Variants in TPST2 observed in about 807,000 individuals in gnomAD.
TPST2 encodes the protein tyrosylprotein sulfotransferase 2, also known as protein-tyrosine sulfotransferase 2.
A neutral mutation model predicts 27.8 loss-of-function variants in TPST2; 16 were observed. That is an observed-to-expected ratio of 0.58 (90% confidence interval 0.39 to 0.88). TPST2 has a LOEUF of 0.88. Among genes scored for constraint, TPST2 ranks in the 40% least tolerant of loss-of-function variants. The probability of loss-of-function intolerance (pLI) is 0.00; values close to 1 mark genes in which losing one functional copy is unlikely to be tolerated. For missense variants in TPST2, 464 were observed against 543.1 expected (o/e 0.85, Z 1.45); for synonymous variants, 229 against 231.7 (o/e 0.99, Z 0.10).
At chr22:26,535,079 G>A (rs1925376544) in intron 4 of TPST2, among the ~76,000 whole-genome samples, 1 of 152,204 alleles carries the variant, frequency 6.6e-6, no homozygotes, top group Non-Finnish European at 1.5e-5. Flanking sequence ...CTCAGCGTTA[G>A]TAAATTCTCT....
chr22:26,554,091 AG>A (rs1350613066), intron 1 of TPST2, among the ~76,000 whole-genome samples: 2 of 152,204 alleles, frequency 1.3e-5, no homozygotes, highest in African/African-American at 4.8e-5. Flanking sequence ...ACTGAGGCTT[AG>A]AGAGGTGAAG....
intron 4 of TPST2, chr22:26,535,911 C>A (rs750099596): frequency 2.7e-6 from 1 of 364,756 alleles, no homozygotes; most frequent in Non-Finnish European, 5.4e-6. Flanking sequence ...AAGAAAGGGA[C>A]CAATAGTTTA....
intron 1 of TPST2, among the ~76,000 whole-genome samples, chr22:26,582,878 A>G (rs1469877799): frequency 2.0e-5 from 3 of 151,938 alleles, no homozygotes; most frequent in African/African-American, 7.3e-5. Context: ...CAAATATCTC[A>G]CTGTGGGGAA....
At chr22:26,579,286 C>G (rs764126927) in intron 1 of TPST2, among the ~76,000 whole-genome samples, 32 of 152,366 alleles carry the variant, frequency 2.1e-4, no homozygotes, top group Middle Eastern at 3.4e-3. Context: ...AAGGCACCTA[C>G]TGCATGCAGC....
At chr22:26,588,165 A>T (rs973806094) in intron 1 of TPST2, among the ~76,000 whole-genome samples, 9 of 150,788 alleles carry the variant, frequency 6.0e-5, no homozygotes, top group African/African-American at 2.2e-4. Context: ...CACATAATAG[A>T]ATATTATGCA....
intron 1 of TPST2, chr22:26,561,137 T>G (rs1488679336): frequency 9.3e-6 from 15 of 1,605,020 alleles, no homozygotes; most frequent in Non-Finnish European, 1.3e-5. Flanking sequence ...ATGAAGAAGA[T>G]GAAGATGAAG....
At chr22:26,554,264 G>T (rs140934121) in intron 1 of TPST2, among the ~76,000 whole-genome samples, 60 of 152,304 alleles carry the variant, frequency 3.9e-4, no homozygotes, top group Non-Finnish European at 7.4e-4. Flanking sequence ...CAGCTGCTCA[G>T]AGTAGTGCCC....
chr22:26,541,418 G>A lies in TPST2; in HGVS notation c.213C>T (p.Ile71=), dbSNP rs763309167. The part of the protein sequence containing the change: ...EYRYGKAMPL[I]FVGGVPRSGT... ...CACTGCGAGGCACGCCACCCACGAA[G>A]ATGAGCGGCATGGCCTTGCCATAGC... The change falls in exon 3 of 7, where the codon ATC becomes ATT. Residue 71 remains isoleucine, a synonymous_variant. Coordinates refer to ENST00000338754, the MANE Select transcript of TPST2 (RefSeq NM_003595.5). This position sits in a 1 kb window ranked among gnomAD's most constrained non-coding sequence, Gnocchi z 5.9. The A allele has an allele frequency of 1.3e-6, 2 of 1,573,202 alleles. No homozygotes were observed. Among genetic ancestry groups the A allele is most frequent in the Admixed American group, 1.8e-5 (1 of 54,640 alleles).
Position 26,525,698 on chromosome 22 carries a change from A to C in TPST2, c.*577T>G, listed in dbSNP as rs1487592122. The C allele has an allele frequency of 6.6e-6, 1 of 152,364 alleles. No homozygotes were observed. Among genetic ancestry groups the C allele is most frequent in the Non-Finnish European group, 1.5e-5 (1 of 68,028 alleles). The allele number at this position is 152,364 out of a possible 1,614,324, so 9.4% of individuals were successfully genotyped here. A position where few individuals can be genotyped will look rare whatever the true frequency, so the allele number is the denominator to read the frequency against. On this transcript the variant is annotated 3_prime_UTR_variant, in exon 7 of 7. Transcript: ENST00000338754. Reference sequence around the variant, plus strand: ...TATTCTCCAGCTTTTTGCTCATCACAAATCTACCTGACAAAATCCAGTATG... The same window carrying C: ...TATTCTCCAGCTTTTTGCTCATCACCAATCTACCTGACAAAATCCAGTATG...
Position 26,541,457 on chromosome 22 carries a change from G to A in TPST2, c.174C>T (p.Asn58=). The change falls in exon 3 of 7, where the codon AAC becomes AAT. Residue 58 remains asparagine, a synonymous_variant. Coordinates refer to ENST00000338754, the MANE Select transcript of TPST2 (RefSeq NM_003595.5). The surrounding 1 kb of genome is among the most constrained non-coding windows in gnomAD (Gnocchi z 5.9). ...EQEELVMVGT[N]HVEYRYGKAM... The stretch of plus-strand genomic sequence containing the variant: ...CCTTGCCATAGCGGTATTCCACGTG[G>A]TTGGTGCCCACCATCACCAGCTCCT... 6.2e-7 allele frequency: 1 copy of A among 1,608,162 alleles called. No homozygotes were observed. The highest frequency in any genetic ancestry group is 1.1e-5 in the South Asian group (1 of 90,280).
intron 1 of TPST2, among the ~76,000 whole-genome samples, chr22:26,589,590 C>G (rs1031598062): frequency 1.3e-5 from 2 of 152,238 alleles, no homozygotes; most frequent in Non-Finnish European, 2.9e-5. Context: ...GCCCCCAACG[C>G]CTCCACTTCT....
chr22:26,573,516 C>T (rs1316888454), intron 1 of TPST2, among the ~76,000 whole-genome samples: 1 of 152,220 alleles, frequency 6.6e-6, no homozygotes, highest in Non-Finnish European at 1.5e-5. Flanking sequence ...TCCCTCTTCC[C>T]CTGGCCCCAG....
chr22:26,572,292 C>T (rs1030006421), intron 1 of TPST2, among the ~76,000 whole-genome samples: 4 of 152,110 alleles, frequency 2.6e-5, no homozygotes, highest in Non-Finnish European at 5.9e-5. Flanking sequence ...GGAGGCTAAG[C>T]AAGTAGGGTA....
chr22:26,569,396 T>G (rs3885529), intron 1 of TPST2, among the ~76,000 whole-genome samples: 15,522 of 152,264 alleles, frequency 0.1, 980 homozygotes, highest in Non-Finnish European at 0.15. Context: ...CAGGTGCTGG[T>G]CACACAGACA....
intron 1 of TPST2, among the ~76,000 whole-genome samples, chr22:26,561,515 A>C (rs956541711): frequency 7.2e-5 from 11 of 152,146 alleles, no homozygotes; most frequent in Middle Eastern, 3.2e-3. Context: ...CGAAATAATT[A>C]TTCTGTTAAC....
intron 4 of TPST2, 110 bp from the exon 5 acceptor site, chr22:26,532,855 C>G: frequency 1.1e-6 from 1 of 918,570 alleles, no homozygotes; most frequent in South Asian, 1.5e-5. Flanking sequence ...ACCCACCCAT[C>G]CCTCCATCCA....
chr22:26,576,863 G>A (rs4820689), intron 1 of TPST2, among the ~76,000 whole-genome samples: 41,640 of 151,372 alleles, frequency 0.28, 6,291 homozygotes, highest in East Asian at 0.52. Context: ...TTGGGAGGCC[G>A]AGGCGGGTGG....
At chr22:26,567,145 G>A (rs1307506275) in intron 1 of TPST2, among the ~76,000 whole-genome samples, 2 of 152,154 alleles carry the variant, frequency 1.3e-5, no homozygotes, top group African/African-American at 2.4e-5. Flanking sequence ...CATCTCCCAG[G>A]TACCTGTCCA....
chr22:26,572,567 T>C (rs1031135585), intron 1 of TPST2, among the ~76,000 whole-genome samples: 28 of 152,162 alleles, frequency 1.8e-4, no homozygotes, highest in Admixed American at 5.2e-4. Flanking sequence ...CCACCTTATC[T>C]TGGGCTGCTT....
Sources: allele counts gnomAD v4.1 joint callset (sites outside exome capture counted in the v4.1 genomes callset), GRCh38; gene constraint gnomAD v4.1.1; non-coding constraint Gnocchi (gnomAD v3.1); transcripts MANE v1.5; gene names NCBI Gene and HGNC (gene_info 2026-07-23, HGNC 2026-07-21).